The following HERC3 variants were observed in gnomAD, a reference collection of about 807,000 sequenced individuals.
The protein encoded by HERC3 is HECT and RLD domain containing E3 ubiquitin protein ligase 3, also known as probable E3 ubiquitin-protein ligase HERC3.
In HERC3, 58 loss-of-function variants were observed where a neutral mutation model predicts 129.9. That is an observed-to-expected ratio of 0.45 (90% CI 0.36 to 0.56). The LOEUF (loss-of-function observed/expected upper bound fraction) is 0.56, where lower values mean the gene tolerates loss of function less well. Ranked by LOEUF, HERC3 falls within the 20% of genes least tolerant of loss-of-function variation. HERC3 has a pLI of 0.00. For synonymous variants in HERC3, 430 were observed against 451.0 expected, an observed-to-expected ratio of 0.95 and a Z score of 0.59; for missense variants, 835 against 1,244.2, an observed-to-expected ratio of 0.67 and a Z score of 4.95.
At chr4:88,621,880 C>G (rs1333469654) in intron 3 of HERC3, among the ~76,000 whole-genome samples, 1 of 152,180 alleles carries the variant, frequency 6.6e-6, no homozygotes, top group Non-Finnish European at 1.5e-5. Flanking sequence ...AGCAATGTGA[C>G]TATATCTGCA....
At chr4:88,571,748 T>C in the HERC3 span, among the ~76,000 whole-genome samples, 1 of 152,214 alleles carries the variant, frequency 6.6e-6, no homozygotes, top group African/African-American at 2.4e-5. Flanking sequence ...ATTTGTGGTA[T>C]AATCTGACTC....
rs748046892 is a variant in HERC3 at position 88,678,003 on chromosome 4, C to T, written c.2065C>T (p.Leu689Phe). ...AGCCAACCTGCAGAATGTCTTCATGCTTCTCACCCTGGAGCCTCTGCTGGC... is the reference window on the plus strand; with the variant it reads ...AGCCAACCTGCAGAATGTCTTCATGTTTCTCACCCTGGAGCCTCTGCTGGC... ...NGANLQNVFM[L>F]LTLEPLLARS... The change falls in exon 19 of 26, where the codon CTT becomes TTT. Residue 689 changes from leucine (L) to phenylalanine (F), a missense_variant. Coordinates refer to ENST00000402738, the MANE Select transcript of HERC3 (RefSeq NM_014606.3). The T allele has an allele frequency of 6.2e-7, 1 of 1,613,700 alleles. No individual in the cohort carries two copies.
At chr4:88,591,497 C>A (rs941536847), upstream of HERC3, among the ~76,000 whole-genome samples, 1 of 152,140 alleles carries the variant, frequency 6.6e-6, no homozygotes. Context: ...AAAGGGCCTT[C>A]CTGCTTCAAA....
chr4:88,629,059 C>T (rs1726455853), intron 3 of HERC3, among the ~76,000 whole-genome samples: 1 of 152,086 alleles, frequency 6.6e-6, no homozygotes, highest in Admixed American at 6.5e-5. Flanking sequence ...TAATCCCAGC[C>T]ACTTGGGAGA....
chr4:88,693,336 G>C (rs1436340171), intron 23 of HERC3: 1 of 964,276 alleles, frequency 1.0e-6, no homozygotes, highest in Non-Finnish European at 1.2e-6. Flanking sequence ...TGAATTTGTT[G>C]GTAGATATTT....
chr4:88,572,715 A>G, the HERC3 span, among the ~76,000 whole-genome samples: 1 of 151,976 alleles, frequency 6.6e-6, no homozygotes, highest in African/African-American at 2.4e-5. Context: ...AGACTGAGGC[A>G]AGGGAATTGC....
intron 3 of HERC3, among the ~76,000 whole-genome samples, chr4:88,648,050 GTTA>G (rs1728888021): frequency 6.6e-6 from 1 of 151,852 alleles, no homozygotes; most frequent in African/African-American, 2.4e-5. Flanking sequence ...TTTTTGTTTG[GTTA>G]TTATGATTGC....
chr4:88,637,967 G>A (rs1285582090), intron 3 of HERC3, among the ~76,000 whole-genome samples: 1 of 122,768 alleles, frequency 8.1e-6, no homozygotes. Context: ...AACACCTCCA[G>A]CAAATAAACT....
intron 3 of HERC3, among the ~76,000 whole-genome samples, chr4:88,630,769 T>G (rs543886418): frequency 6.6e-5 from 10 of 152,356 alleles, no homozygotes; most frequent in African/African-American, 2.4e-4. Context: ...CTCTCTGTTT[T>G]TAGGATTTCC....
At chr4:88,683,478 C>T (rs1733036688) in intron 21 of HERC3, among the ~76,000 whole-genome samples, 2 of 151,142 alleles carry the variant, frequency 1.3e-5, no homozygotes, top group Admixed American at 1.3e-4. Flanking sequence ...AAAGAAAAGG[C>T]TAGAGAGCAA....
chr4:88,638,265 A>C (rs529612317), intron 3 of HERC3, among the ~76,000 whole-genome samples: 2 of 151,752 alleles, frequency 1.3e-5, no homozygotes, highest in African/African-American at 4.9e-5. Context: ...TCCTGATACC[A>C]AAACCTGGCA....
rs781779725 is a variant in HERC3, at chr4:88,697,639, C to G, written c.2658-6459C>G. The G allele has an allele frequency of 1.7e-5, 27 of 1,613,592 alleles. No individual in the cohort carries two copies. The East Asian group carries it at 4.2e-4, about 25-fold the overall frequency. On this transcript the variant is annotated intron_variant, in intron 23 of 25. Transcript: ENST00000402738. ...CGCGCTGTCAGGGTCACCAGCCGCG[C>G]TGTCACAGTCTCCACCCTGCGCACC... is the stretch of plus-strand genomic sequence containing the variant.
Position 88,598,562 on chromosome 4 carries a change from G to A in HERC3, c.-30+2948G>A, listed in dbSNP as rs371368127. 9.8e-5 allele frequency among the ~76,000 whole-genome samples: 15 copies of A among 152,336 alleles called. No homozygotes were observed. The South Asian group carries it at 2.7e-3, about 27-fold the overall frequency. On this transcript the variant is annotated intron_variant, in intron 2 of 25. Transcript: ENST00000402738. ...CTGAAATCTCAAAGAAGAGCACTAG[G>A]AGTAGGAGTAACATTGACTAAAGCA...
the HERC3 span, among the ~76,000 whole-genome samples, chr4:88,538,795 G>A: frequency 6.6e-6 from 1 of 151,832 alleles, no homozygotes; most frequent in Non-Finnish European, 1.5e-5. Context: ...TGCCCGCCTC[G>A]GCCTCCCAAA....
intron 11 of HERC3, among the ~76,000 whole-genome samples, chr4:88,663,077 T>C (rs1004229237): frequency 7.2e-5 from 11 of 152,212 alleles, no homozygotes; most frequent in Admixed American, 2.0e-4. Context: ...TGCACATTTT[T>C]ACACATTTTC....
At chr4:88,610,637 A>G (rs538446333) in intron 3 of HERC3, among the ~76,000 whole-genome samples, 4 of 152,146 alleles carry the variant, frequency 2.6e-5, no homozygotes, top group East Asian at 3.9e-4. Flanking sequence ...TTGGTCTTCT[A>G]TCAGGCAGCC....
In HERC3 at chr4:88,606,061, T is replaced by G; in HGVS notation, c.226+12T>G. 1.2e-6 allele frequency: 2 copies of G among 1,601,716 alleles called. No individual in the cohort carries two copies. The highest frequency in any genetic ancestry group is 1.7e-6 in the Non-Finnish European group (2 of 1,170,294). On this transcript the variant is annotated intron_variant, in intron 3 of 25. Coordinates refer to ENST00000402738, the MANE Select transcript of HERC3 (RefSeq NM_014606.3). ...AGGAAACAAGCCAGGTAAGTGCACC[T>G]TATCTGTCTTGATTATTGGTGAGAA...
chr4:88,708,460 C>T lies in HERC3; in HGVS notation c.*1500C>T, dbSNP rs1735944145. The T allele has an allele frequency of 6.6e-6, 1 of 152,410 alleles. No individual in the cohort carries two copies. Among genetic ancestry groups the T allele is most frequent in the South Asian group, 2.1e-4 (1 of 4,826 alleles). 9.4% of individuals were successfully genotyped at this position (152,410 alleles called of 1,614,324 possible). ...AAATACAGGATTAAAAATATATATA[C>T]AGTTATATGAAATGTTTATTTTCTA... On this transcript the variant is annotated 3_prime_UTR_variant, in exon 26 of 26. Coordinates refer to ENST00000402738, the MANE Select transcript of HERC3 (RefSeq NM_014606.3).
the HERC3 span, among the ~76,000 whole-genome samples, chr4:88,528,388 C>G: frequency 3.9e-5 from 6 of 152,298 alleles, no homozygotes; most frequent in Non-Finnish European, 8.8e-5. Flanking sequence ...ATGGCAGCAG[C>G]CACGTCTCTC....
Sources: gnomAD v4.1 joint callset for allele counts (sites outside exome capture counted in the v4.1 genomes callset) on GRCh38, gnomAD v4.1.1 for gene constraint, MANE v1.5 for transcripts, NCBI Gene and HGNC (gene_info 2026-07-23, HGNC 2026-07-21) for gene names.